Variants in GUSB observed in about 807,000 individuals in gnomAD.
GUSB encodes the protein beta-glucuronidase.
GUSB carries 51 observed loss-of-function variants against 74.6 expected under a neutral mutation model. The ratio of observed to expected loss-of-function variants is 0.68; its 90% CI spans 0.55 to 0.86. The LOEUF (loss-of-function observed/expected upper bound fraction) is 0.86. Among genes scored for constraint, GUSB ranks in the 40% least tolerant of loss-of-function variants. The pLI is 0.00. For synonymous variants in GUSB, 360 were observed against 348.3 expected, an observed-to-expected ratio of 1.03 and a Z score of -0.37; for missense variants, 736 against 853.7, an observed-to-expected ratio of 0.86 and a Z score of 1.72.
Position 65,960,733 on chromosome 7 carries a change from C to A in GUSB, c.*164G>T, listed in dbSNP as rs1790427662. On this transcript the variant is annotated 3_prime_UTR_variant, in exon 12 of 12. Transcript: ENST00000304895. Reference sequence around the variant, plus strand: ...ACTCTTTATTTCCATAATAGAAAATCTTTTATTTCCACCTTTAGTGTTCCC... The same window carrying A: ...ACTCTTTATTTCCATAATAGAAAATATTTTATTTCCACCTTTAGTGTTCCC... 9.0e-6 allele frequency: 6 copies of A among 668,658 alleles called. No individual in the cohort carries two copies. Among genetic ancestry groups the A allele is most frequent in the East Asian group, 5.2e-5 (2 of 38,630 alleles). The allele number at this position is 668,658 out of a possible 1,614,324, so 41.4% of individuals were successfully genotyped here.
intron 4 of GUSB, among the ~76,000 whole-genome samples, chr7:65,977,842 G>C (rs902051594): frequency 4.0e-5 from 6 of 151,508 alleles, no homozygotes; most frequent in African/African-American, 1.5e-4. Context: ...ATGGAGTCTC[G>C]CTCTGTCCCC....
chr7:65,962,884 A>G (rs964953458), intron 11 of GUSB, among the ~76,000 whole-genome samples: 3 of 149,608 alleles, frequency 2.0e-5, no homozygotes, highest in Non-Finnish European at 4.5e-5. Context: ...AAAAAAAAAG[A>G]GTCTCACTCT....
intron 11 of GUSB, 148 bp from the exon 12 acceptor site, chr7:65,961,211 C>T: frequency 2.6e-6 from 2 of 770,458 alleles, no homozygotes; most frequent in East Asian, 2.6e-5. Context: ...TGCGGTGACA[C>T]AATCATAGCT....
rs373800055 is a variant in GUSB, at chr7:65,979,414, C to T, written c.709G>A (p.Val237Met). The part of the protein sequence containing the change: ...YIDDITVTTS[V>M]EQDSGLVNYQ... The stretch of plus-strand genomic sequence containing the variant: ...AAGCCCTCACCACTGTCTTGCTCCA[C>T]GCTGGTGGTGACGGTGATGTCATCG... The change falls in exon 4 of 12, where the codon GTG (valine) becomes ATG (methionine). Residue 237 changes from valine (V) to methionine (M), a missense_variant. By Grantham distance (21) the Val-to-Met change is conservative. Around this residue, in one of 2 missense-constraint regions of GUSB, gnomAD observed 368 missense variants for 363.8 expected, o/e 1.01. Transcript: ENST00000304895. The T allele has an allele frequency of 8.1e-6, 13 of 1,613,660 alleles. No homozygotes were observed. The highest frequency in any genetic ancestry group is 4.0e-5 in the African/African-American group (3 of 74,922).
At chr7:65,964,732 A>G (rs574169660) in intron 10 of GUSB, among the ~76,000 whole-genome samples, 3 of 152,270 alleles carry the variant, frequency 2.0e-5, no homozygotes, top group African/African-American at 7.2e-5. Context: ...TTCCACCTCT[A>G]TCTGCTGGTA....
chr7:65,980,029 C>G, intron 2 of GUSB, 118 bp from the exon 3 acceptor site: 2 of 990,966 alleles, frequency 2.0e-6, no homozygotes, highest in South Asian at 3.0e-5. Flanking sequence ...TCCAGCCAGA[C>G]GGGAAGAATG....
chr7:65,974,262 C>T, intron 8 of GUSB, 33 bp downstream of exon 8: 1 of 1,612,560 alleles, frequency 6.2e-7, no homozygotes, highest in South Asian at 1.1e-5. Flanking sequence ...GTCTCCTTCC[C>T]ACTCTAGCCG....
chr7:65,975,959 G>C, intron 5 of GUSB, 56 bp downstream of exon 5: 2 of 1,478,114 alleles, frequency 1.4e-6, no homozygotes, highest in South Asian at 1.2e-5. Context: ...GCTGAAGCCA[G>C]GGTCACCACA....
At chr7:65,980,498 C>A in intron 1 of GUSB, 89 bp from the exon 2 acceptor site, 2 of 1,147,120 alleles carry the variant, frequency 1.7e-6, no homozygotes, top group Non-Finnish European at 1.3e-6. Context: ...AGGCCTAGCA[C>A]AAGCCCTGAC....
chr7:65,981,966 G>A lies in GUSB; in HGVS notation c.210+8C>T, dbSNP rs1792059095. ...CGGGCGCCTCCCGGCCCTGCCCCGAGATCGCACCTCCCACAGCGGCCGCCG... is the reference window on the plus strand; with the variant it reads ...CGGGCGCCTCCCGGCCCTGCCCCGAAATCGCACCTCCCACAGCGGCCGCCG... On this transcript the variant is annotated splice_region_variant and intron_variant, in intron 1 of 11. Transcript: ENST00000304895. 1 of 1,604,032 alleles carries A rather than the reference G, an allele frequency of 6.2e-7. No homozygotes were observed. Among genetic ancestry groups the A allele is most frequent in the South Asian group, 1.1e-5 (1 of 90,512 alleles).
intron 5 of GUSB, 73 bp downstream of exon 5, chr7:65,975,942 G>C (rs1444082080): frequency 2.3e-6 from 3 of 1,279,668 alleles, no homozygotes; most frequent in African/African-American, 2.9e-5. Flanking sequence ...ACCTGTCTTG[G>C]GCTCCTGCTG....
In GUSB at chr7:65,970,281, C is replaced by T; in HGVS notation, c.1476+1G>A. 2 of 1,605,118 alleles carry T rather than the reference C, an allele frequency of 1.2e-6. No individual in the cohort carries two copies. Among genetic ancestry groups the T allele is most frequent in the South Asian group, 1.1e-5 (1 of 90,936 alleles). On this transcript the variant is annotated splice_donor_variant, in intron 9 of 11. Coordinates refer to ENST00000304895, the MANE Select transcript of GUSB (RefSeq NM_000181.4). LOFTEE classifies it high-confidence loss of function. ...AGTGGGGTGGGGACCCCCAGGCTCA[C>T]CCCCTTGTCTGCTGCATAGTTAGAG...
chr7:65,965,998 T>G (rs1583894664), intron 10 of GUSB, among the ~76,000 whole-genome samples: 1 of 151,928 alleles, frequency 6.6e-6, no homozygotes, highest in Non-Finnish European at 1.5e-5. Context: ...TGGTGAAACC[T>G]CATCTCTACT....
At chr7:65,965,512 T>C (rs1790776063) in intron 10 of GUSB, among the ~76,000 whole-genome samples, 1 of 152,102 alleles carries the variant, frequency 6.6e-6, no homozygotes, top group African/African-American at 2.4e-5. Flanking sequence ...ATATAGAACA[T>C]TTCCATCATT....
Position 65,960,854 on chromosome 7 carries a change from C to T in GUSB, c.*43G>A. On this transcript the variant is annotated 3_prime_UTR_variant, in exon 12 of 12. Coordinates refer to ENST00000304895, the MANE Select transcript of GUSB (RefSeq NM_000181.4). ...TTGTTCTGCTGCTGTGGAAGTCGCC[C>T]TGACTCGGGGAGGAAGGGACACGCA... is the stretch of plus-strand genomic sequence containing the variant. 14 of 1,575,522 alleles carry T rather than the reference C, an allele frequency of 8.9e-6. No homozygotes were observed. Among genetic ancestry groups the T allele is most frequent in the Non-Finnish European group, 1.2e-5 (14 of 1,145,168 alleles).
chr7:65,976,343 T>C lies in GUSB; in HGVS notation c.725-141A>G, dbSNP rs78667474. On this transcript the variant is annotated intron_variant, in intron 4 of 11. Coordinates refer to ENST00000304895, the MANE Select transcript of GUSB (RefSeq NM_000181.4). ...AATTTAATTTCTTATTTTTTTTTTT[T>C]GAGACGGAGTCTCACTCTGTCCCCC... is the stretch of plus-strand genomic sequence containing the variant. 7.7e-6 allele frequency: 5 copies of C among 648,382 alleles called. No individual in the cohort carries two copies. The East Asian group carries it at 1.4e-4, about 19-fold the overall frequency. 40.2% of individuals were successfully genotyped at this position (648,382 alleles called of 1,614,324 possible). A position where few individuals can be genotyped will look rare whatever the true frequency, so the allele number is the denominator to read the frequency against.
intron 10 of GUSB, among the ~76,000 whole-genome samples, chr7:65,965,970 A>C (rs1230799311): frequency 1.3e-5 from 2 of 152,172 alleles, no homozygotes; most frequent in Admixed American, 6.5e-5. Flanking sequence ...CAGGAGTTCA[A>C]GACCAGCCTG....
rs1191657728 is a variant in GUSB at position 65,980,310 on chromosome 7, C to T, written c.310G>A (p.Glu104Lys). ...HFVGWVWYEREVILPERWTQD... is the reference protein window; with the variant it reads ...HFVGWVWYERKVILPERWTQD... ...GTCCATCGCTCCGGCAGGATCACCT[C>T]CCGTTCGTACCACACCCAGCCGACA... is the stretch of plus-strand genomic sequence containing the variant. The change falls in exon 2 of 12, where the codon GAG (glutamate) becomes AAG (lysine). Residue 104 changes from glutamate to lysine, a missense_variant. By Grantham distance (56) the Glu-to-Lys change is moderately conservative. Transcript: ENST00000304895. 5 of 1,613,768 alleles carry T rather than the reference C, an allele frequency of 3.1e-6. No individual in the cohort carries two copies. Among genetic ancestry groups the T allele is most frequent in the Non-Finnish European group, 4.2e-6 (5 of 1,179,874 alleles).
chr7:65,963,188 G>A (rs949576466), intron 11 of GUSB, among the ~76,000 whole-genome samples: 3 of 151,930 alleles, frequency 2.0e-5, no homozygotes, highest in East Asian at 1.9e-4. Flanking sequence ...ATAAAGCCTC[G>A]CACCTCTCCA....
Sources: allele counts gnomAD v4.1 joint callset (sites outside exome capture counted in the v4.1 genomes callset), GRCh38; gene constraint gnomAD v4.1.1; regional missense constraint gnomAD v4.1.1; transcripts MANE v1.5; gene names NCBI Gene and HGNC (gene_info 2026-07-23, HGNC 2026-07-21).